TRIM35: variants seen among roughly 807,000 people sequenced by gnomAD.
TRIM35 encodes E3 ubiquitin-protein ligase TRIM35.
Under a neutral mutation model 49.1 loss-of-function variants are expected in TRIM35, and 37 were observed. The ratio of observed to expected loss-of-function variants is 0.75; its 90% CI spans 0.58 to 0.99. The LOEUF (loss-of-function observed/expected upper bound fraction) is 0.99. Among genes scored for constraint, TRIM35 ranks in the 50% least tolerant of loss-of-function variants. The pLI is 0.00. For missense variants in TRIM35, 648 were observed against 702.7 expected (o/e 0.92, Z 0.88); for synonymous variants, 302 against 289.3 (o/e 1.04, Z -0.45).
At chr8:27,294,004 G>C in intron 3 of TRIM35, 76 bp downstream of exon 3, 3 of 1,459,572 alleles carry the variant, frequency 2.1e-6, no homozygotes, top group Non-Finnish European at 2.8e-6. Context: ...CGTTGGCCAG[G>C]GCTGGTGGGC....
At chr8:27,302,428 A>G (rs1227857373) in intron 1 of TRIM35, among the ~76,000 whole-genome samples, 3 of 152,094 alleles carry the variant, frequency 2.0e-5, no homozygotes, top group Non-Finnish European at 4.4e-5. Context: ...AAAACCCAAA[A>G]CAGGGTCCCC....
At chr8:27,305,525 G>A (rs1485185072) in intron 1 of TRIM35, among the ~76,000 whole-genome samples, 1 of 152,228 alleles carries the variant, frequency 6.6e-6, no homozygotes, top group Non-Finnish European at 1.5e-5. Context: ...ATCAGGATGG[G>A]GGTGAGTGGT....
At chr8:27,309,572 C>T in intron 1 of TRIM35, among the ~76,000 whole-genome samples, 1 of 152,214 alleles carries the variant, frequency 6.6e-6, no homozygotes, top group Non-Finnish European at 1.5e-5. Context: ...GGCAGCTCCT[C>T]CTCTCCAGTC....
intron 1 of TRIM35, 124 bp downstream of exon 1, chr8:27,310,677 G>C (rs911593416): frequency 1.7e-6 from 2 of 1,154,352 alleles, no homozygotes; most frequent in African/African-American, 1.6e-5. Context: ...GTGGGGTCCT[G>C]CATGCTGGGA....
chr8:27,294,349 G>A, intron 2 of TRIM35, 39 bp from the exon 3 acceptor site: 2 of 1,583,674 alleles, frequency 1.3e-6, no homozygotes, highest in South Asian at 1.1e-5. Flanking sequence ...GTCAGATGTG[G>A]AGAGGACATC....
intron 3 of TRIM35, 38 bp downstream of exon 3, chr8:27,294,042 G>T: frequency 6.3e-7 from 1 of 1,597,370 alleles, no homozygotes. Context: ...CCTGGAACAT[G>T]TGGCCCTGTC....
chr8:27,308,489 G>C (rs536138371), intron 1 of TRIM35, among the ~76,000 whole-genome samples: 6 of 152,128 alleles, frequency 3.9e-5, no homozygotes, highest in Non-Finnish European at 5.9e-5. Context: ...CCTCAGTGAG[G>C]CACACAGCTT....
In TRIM35 at chr8:27,289,197, C is replaced by T. The variant is rs199739805; in HGVS notation, c.869G>A (p.Arg290His). The T allele has an allele frequency of 3.5e-5, 57 of 1,614,104 alleles. No individual in the cohort carries two copies. The highest frequency in any genetic ancestry group is 1.1e-4 in the East Asian group (5 of 44,884). ...AGATGCAAGCATCTTCTTCCAGACG[C>T]GGTACTGCAGGGAGCCCAGGTACTT... ...VCKYLGSLQY[R>H]VWKKMLASVE... Residue 290 changes from arginine (R) to histidine (H), a missense_variant, in exon 5 of 6, where the codon CGC (arginine) becomes CAC (histidine). Physicochemically the swap from Arg to His is conservative, Grantham distance 29 (BLOSUM62 0). Transcript: ENST00000305364.
In TRIM35 at chr8:27,298,573, G is replaced by A; in HGVS notation, c.436-14C>T. ...CCTGCACTTGGCCTGACATGGGAAT[G>A]AGAGAGAGGGAGGAAGACAGGTTAG... On this transcript the variant is annotated splice_polypyrimidine_tract_variant and intron_variant, in intron 1 of 5. Coordinates refer to ENST00000305364, the MANE Select transcript of TRIM35 (RefSeq NM_171982.5). 1 of 1,610,334 alleles carries A rather than the reference G, an allele frequency of 6.2e-7. No individual in the cohort carries two copies. The highest frequency in any genetic ancestry group is 8.5e-7 in the Non-Finnish European group (1 of 1,176,484).
At chr8:27,293,996 T>A in intron 3 of TRIM35, 84 bp downstream of exon 3, 1 of 1,373,750 alleles carries the variant, frequency 7.3e-7, no homozygotes, top group Non-Finnish European at 1.0e-6. Flanking sequence ...GAAGATGACG[T>A]TGGCCAGGGC....
intron 1 of TRIM35, among the ~76,000 whole-genome samples, chr8:27,309,801 G>T (rs1802869341): frequency 6.6e-6 from 1 of 151,562 alleles, no homozygotes; most frequent in Non-Finnish European, 1.5e-5. Context: ...TGGCCAACAT[G>T]GTGAAACCCT....
intron 1 of TRIM35, among the ~76,000 whole-genome samples, chr8:27,299,069 C>T: frequency 6.6e-6 from 1 of 152,208 alleles, no homozygotes; most frequent in East Asian, 1.9e-4. Context: ...TGAGGCCTCA[C>T]CTCAACATGC....
At chr8:27,296,919 T>C (rs992818780) in intron 2 of TRIM35, among the ~76,000 whole-genome samples, 2 of 152,234 alleles carry the variant, frequency 1.3e-5, no homozygotes, top group African/African-American at 4.8e-5. Context: ...TAAGGACTTG[T>C]CTCTGTTGGG....
At chr8:27,292,269 G>A (rs925738490) in intron 3 of TRIM35, among the ~76,000 whole-genome samples, 2 of 152,188 alleles carry the variant, frequency 1.3e-5, no homozygotes, top group African/African-American at 4.8e-5. Context: ...GTGCTGTACA[G>A]GTTTGTAGCC....
At chr8:27,291,123 A>C (rs972184069) in intron 3 of TRIM35, among the ~76,000 whole-genome samples, 4 of 151,698 alleles carry the variant, frequency 2.6e-5, no homozygotes, top group Non-Finnish European at 2.9e-5. Context: ...CAAAAAAAAA[A>C]CTCAAAATGC....
intron 2 of TRIM35, among the ~76,000 whole-genome samples, chr8:27,295,434 T>C (rs1380409132): frequency 1.3e-5 from 2 of 152,172 alleles, no homozygotes; most frequent in African/African-American, 4.8e-5. Flanking sequence ...CAGATGCTCC[T>C]CAAGTTATGA....
rs1156748305 is a variant in TRIM35 at position 27,286,162 on chromosome 8, T to G, written c.*1388A>C. On this transcript the variant is annotated 3_prime_UTR_variant, in exon 6 of 6. Transcript: ENST00000305364. ...CCTAGGAAAAAAAAATATTTCCTTT[T>G]ATGATGCCACTTCCTGGGACATGAT... 1 of 456,282 alleles carries G rather than the reference T, an allele frequency of 2.2e-6. No homozygotes were observed. The highest frequency in any genetic ancestry group is 2.3e-5 in the Admixed American group (1 of 42,582). 28.3% of individuals were successfully genotyped at this position (456,282 alleles called of 1,614,324 possible). A position where few individuals can be genotyped will look rare whatever the true frequency, so the allele number is the denominator to read the frequency against.
At chr8:27,291,058 CA>C (rs56953962) in intron 3 of TRIM35, among the ~76,000 whole-genome samples, 11,487 of 50,690 alleles carry the variant, frequency 0.23, 418 homozygotes, top group African/African-American at 0.36. Context: ...TGTTGACATG[CA>C]AAAAAAAAAA....
intron 2 of TRIM35, among the ~76,000 whole-genome samples, chr8:27,295,567 C>T (rs1802549195): frequency 6.6e-6 from 1 of 152,222 alleles, no homozygotes; most frequent in South Asian, 2.1e-4. Flanking sequence ...GCCCAGGACA[C>T]TCACATTAGC....
Sources: gnomAD v4.1 joint callset for allele counts (sites outside exome capture counted in the v4.1 genomes callset) on GRCh38, gnomAD v4.1.1 for gene constraint, MANE v1.5 for transcripts, NCBI Gene and HGNC (gene_info 2026-07-23, HGNC 2026-07-21) for gene names.